ESR1: variants seen among roughly 807,000 people sequenced by gnomAD.
ESR1 encodes estrogen receptor.
Under a neutral mutation model 52.7 loss-of-function variants are expected in ESR1, and 12 were observed. That is an observed-to-expected ratio of 0.23 (90% CI 0.15 to 0.37). The LOEUF is 0.37. ESR1 is among the 10% of genes least tolerant of loss of function. The pLI is 1.00. For synonymous variants in ESR1, 305 were observed against 316.8 expected, an observed-to-expected ratio of 0.96 and a Z score of 0.39; for missense variants, 584 against 779.7, an observed-to-expected ratio of 0.75 and a Z score of 2.99.
intron 1 of ESR1, among the ~76,000 whole-genome samples, chr6:151,811,530 A>G (rs2128166602): frequency 6.6e-6 from 1 of 152,318 alleles, no homozygotes; most frequent in African/African-American, 2.4e-5. Flanking sequence ...ATCAAAATCA[A>G]TGCCCTGCTA....
chr6:151,762,341 T>C (rs2128098181), intron 2 of ESR1, among the ~76,000 whole-genome samples: 1 of 152,364 alleles, frequency 6.6e-6, no homozygotes, highest in Non-Finnish European at 1.5e-5. Context: ...AACAGCATGG[T>C]GCATGCTGAA....
At chr6:151,798,513 A>T (rs1298726055) in intron 2 of ESR1, among the ~76,000 whole-genome samples, 1 of 152,230 alleles carries the variant, frequency 6.6e-6, no homozygotes, top group African/African-American at 2.4e-5. Context: ...TTATTCAATT[A>T]TCAACCAAAA....
chr6:151,747,315 TG>T (rs1783558248), intron 2 of ESR1, among the ~76,000 whole-genome samples: 1 of 152,210 alleles, frequency 6.6e-6, no homozygotes, highest in African/African-American at 2.4e-5. Context: ...AATGAATCAC[TG>T]AATAAGCAGA....
At chr6:151,942,875 T>C (rs2035239746) in intron 3 of ESR1, among the ~76,000 whole-genome samples, 1 of 152,176 alleles carries the variant, frequency 6.6e-6, no homozygotes, top group African/African-American at 2.4e-5. Context: ...CTGATAAATA[T>C]TGGAGAGATT....
At chr6:151,848,493 TAA>T (rs1272722852) in intron 2 of ESR1, among the ~76,000 whole-genome samples, 1 of 146,986 alleles carries the variant, frequency 6.8e-6, no homozygotes, top group Admixed American at 6.8e-5. Context: ...AAAAAAAATT[TAA>T]AAAAAAAAAG....
In ESR1 at chr6:151,819,969, G is replaced by A. The variant is rs890586727; in HGVS notation, c.452+11605G>A. Among the ~76,000 whole-genome samples, 6 of 152,178 alleles carry A rather than the reference G, an allele frequency of 3.9e-5. No individual in the cohort carries two copies. In the East Asian group the frequency reaches 1.2e-3, roughly 29 times the overall value. On this transcript the variant is annotated intron_variant, in intron 1 of 7. Coordinates refer to ENST00000206249, the MANE Select transcript of ESR1 (RefSeq NM_000125.4). ...CTTTGGTGGTAGGTGCAGAGATTGG[G>A]AACATTGTCATCAAGGAGTTTATGG...
At chr6:151,722,880 C>T (rs1361238889) in intron 2 of ESR1, among the ~76,000 whole-genome samples, 3 of 152,078 alleles carry the variant, frequency 2.0e-5, no homozygotes, top group Admixed American at 6.5e-5. Flanking sequence ...AGGGTCTGGG[C>T]TTATAAAAAA....
intron 2 of ESR1, among the ~76,000 whole-genome samples, chr6:151,869,546 G>C (rs564242479): frequency 6.6e-6 from 1 of 152,244 alleles, no homozygotes; most frequent in East Asian, 1.9e-4. Context: ...CTGTTGGTTT[G>C]ATCCTTTGCC....
intron 1 of ESR1, chr6:151,656,794 T>C (rs1308427506): frequency 6.6e-6 from 1 of 152,166 alleles, no homozygotes; most frequent in African/African-American, 2.4e-5. Context: ...CTCTATTAAC[T>C]TTCCCTTGGA....
At chr6:151,697,670 T>G (rs1026037596) in intron 1 of ESR1, among the ~76,000 whole-genome samples, 13 of 152,260 alleles carry the variant, frequency 8.5e-5, no homozygotes, top group African/African-American at 2.7e-4. Flanking sequence ...GGGTACTGAA[T>G]AAGTCTTTTA....
intron 6 of ESR1, among the ~76,000 whole-genome samples, chr6:152,114,658 G>A (rs1000318088): frequency 5.9e-5 from 9 of 151,900 alleles, no homozygotes; most frequent in Admixed American, 5.9e-4. Context: ...TTGGGAGGCC[G>A]AGGCGGGCGG....
chr6:151,866,867 A>AC (rs1554272576), intron 2 of ESR1, among the ~76,000 whole-genome samples: 2 of 151,880 alleles, frequency 1.3e-5, no homozygotes, highest in Non-Finnish European at 2.9e-5. Context: ...TGGGTCAAAT[A>AC]CTAGAAGGCT....
intron 1 of ESR1, among the ~76,000 whole-genome samples, chr6:151,811,612 C>T (rs186851604): frequency 6.6e-6 from 1 of 152,316 alleles, no homozygotes; most frequent in African/African-American, 2.4e-5. Flanking sequence ...AACTCTTTCT[C>T]AACTTTGAAT....
At chr6:152,110,545 A>AG (rs1202356723) in intron 6 of ESR1, among the ~76,000 whole-genome samples, 3 of 152,126 alleles carry the variant, frequency 2.0e-5, no homozygotes, top group Non-Finnish European at 4.4e-5. Flanking sequence ...GGGTGGAAGG[A>AG]GGGAGACAAA....
rs553539735 is a variant in ESR1, at chr6:152,032,092, C to T, written c.1235+20298C>T. On this transcript the variant is annotated intron_variant, in intron 5 of 7. Transcript: ENST00000206249. ...AAGGCCTTTGACAAAATTCAACAACCCTTCATGCTAAAAACTCTCAATAAA... is the reference window on the plus strand; with the variant it reads ...AAGGCCTTTGACAAAATTCAACAACTCTTCATGCTAAAAACTCTCAATAAA... 8.6e-5 allele frequency among the ~76,000 whole-genome samples: 13 copies of T among 151,806 alleles called. No homozygotes were observed. The East Asian group carries it at 1.4e-3, about 16-fold the overall frequency.
intron 5 of ESR1, among the ~76,000 whole-genome samples, chr6:152,025,480 C>T (rs2044069433): frequency 1.3e-5 from 2 of 151,838 alleles, no homozygotes. Flanking sequence ...ATCAAATCTT[C>T]TGTTAAAGTT....
intron 4 of ESR1, among the ~76,000 whole-genome samples, chr6:151,973,315 T>C (rs995956763): frequency 2.0e-5 from 3 of 147,074 alleles, no homozygotes; most frequent in Non-Finnish European, 3.0e-5. Context: ...TAGAAGATAG[T>C]AGAGCCATTA....
intron 6 of ESR1, chr6:152,122,582 G>A (rs1333054023): frequency 1.2e-6 from 2 of 1,614,096 alleles, no homozygotes; most frequent in Admixed American, 1.7e-5. Flanking sequence ...AGCTGAAGGG[G>A]AAGAGCTGCT....
chr6:151,851,516 G>A (rs1466967529), intron 2 of ESR1, among the ~76,000 whole-genome samples: 3 of 138,608 alleles, frequency 2.2e-5, no homozygotes, highest in African/African-American at 7.8e-5. Flanking sequence ...ACATGGGAGA[G>A]GTATGATGAA....
Sources: gnomAD v4.1 joint callset for allele counts (sites outside exome capture counted in the v4.1 genomes callset) on GRCh38, gnomAD v4.1.1 for gene constraint, MANE v1.5 for transcripts, NCBI Gene and HGNC (gene_info 2026-07-23, HGNC 2026-07-21) for gene names.